Variants in SEPTIN9 observed in about 807,000 individuals in gnomAD.
SEPTIN9 encodes the protein septin 9.
SEPTIN9 carries 13 observed loss-of-function variants against 56.6 expected under a neutral mutation model. The ratio of observed to expected loss-of-function variants is 0.23; its 90% CI spans 0.15 to 0.37. The LOEUF (loss-of-function observed/expected upper bound fraction) is 0.37. Among genes scored for constraint, SEPTIN9 ranks in the 10% least tolerant of loss-of-function variants. The pLI is 1.00. For missense variants in SEPTIN9, 650 were observed against 823.1 expected (o/e 0.79, Z 2.57); for synonymous variants, 332 against 334.1 (o/e 0.99, Z 0.07).
At chr17:77,380,514 G>C (rs115446639) in intron 2 of SEPTIN9, among the ~76,000 whole-genome samples, 2,421 of 152,112 alleles carry the variant, frequency 0.016, 63 homozygotes, top group African/African-American at 0.055. Flanking sequence ...GAAAATCAAG[G>C]GGCCTGGCCT....
intron 3 of SEPTIN9, among the ~76,000 whole-genome samples, chr17:77,403,097 G>C (rs2035957464): frequency 6.6e-6 from 1 of 152,150 alleles, no homozygotes; most frequent in Admixed American, 6.6e-5. Context: ...ACAGGGTGGA[G>C]TTGAGACCCC....
At chr17:77,418,076 G>A (rs1048181710) in intron 3 of SEPTIN9, among the ~76,000 whole-genome samples, 2 of 152,196 alleles carry the variant, frequency 1.3e-5, no homozygotes, top group Non-Finnish European at 2.9e-5. Flanking sequence ...AGAACCCACC[G>A]ACTCACACGT....
chr17:77,296,884 A>C (rs996226617), intron 1 of SEPTIN9, among the ~76,000 whole-genome samples: 1 of 152,110 alleles, frequency 6.6e-6, no homozygotes, highest in African/African-American at 2.4e-5. Context: ...AGATGAATGG[A>C]TAGATAGCTA....
intron 3 of SEPTIN9, chr17:77,466,451 TCCGGCTGCTG>T: frequency 1.0e-6 from 1 of 985,514 alleles, no homozygotes; most frequent in Non-Finnish European, 1.2e-6. Context: ...GCTTCCAGGT[TCCGGCTGCTG>T]CCTGTGTTAG....
In SEPTIN9 at chr17:77,492,524, T is replaced by G. The variant is rs1437893410; in HGVS notation, c.1381-97T>G. 1 of 1,104,506 alleles carries G rather than the reference T, an allele frequency of 9.1e-7. No individual in the cohort carries two copies. The highest frequency in any genetic ancestry group is 1.4e-6 in the Non-Finnish European group (1 of 716,720). 68.4% of individuals were successfully genotyped at this position (1,104,506 alleles called of 1,614,324 possible). Reference sequence around the variant, plus strand: ...CAGAGCCTGCCCTTGAACCCGAGCCTGGGGCAGCACACAGTGTGGAGGTCA... The same window carrying G: ...CAGAGCCTGCCCTTGAACCCGAGCCGGGGGCAGCACACAGTGTGGAGGTCA... On this transcript the variant is annotated intron_variant, in intron 8 of 11. Transcript: ENST00000427177. The surrounding 1 kb of genome is among the most constrained non-coding windows in gnomAD (Gnocchi z 5.4).
rs1395119325 is a variant in SEPTIN9 at position 77,450,477 on chromosome 17, C to T, written c.722-31667C>T. On this transcript the variant is annotated intron_variant, in intron 3 of 11. Coordinates refer to ENST00000427177, the MANE Select transcript of SEPTIN9 (RefSeq NM_001113491.2). This position sits in a 1 kb window ranked among gnomAD's most constrained non-coding sequence, Gnocchi z 6.0. ...AGCAAGCCCTCGGAACGAGCCCACT[C>T]CCAGGCGCTCTCTCCTAGTGTGGGA... The T allele has an allele frequency of 2.1e-5, 21 of 985,340 alleles. No individual in the cohort carries two copies. The highest frequency in any genetic ancestry group is 2.5e-5 in the Non-Finnish European group (21 of 829,958). 61.0% of individuals were successfully genotyped at this position (985,340 alleles called of 1,614,324 possible).
At position 77,402,073 on chromosome 17, in the gene SEPTIN9, T is replaced by C. The variant is rs962476744; in HGVS notation, c.91T>C (p.Phe31Leu). 5 of 1,612,820 alleles carry C rather than the reference T, an allele frequency of 3.1e-6. No homozygotes were observed. The highest frequency in any genetic ancestry group is 4.2e-6 in the Non-Finnish European group (5 of 1,179,106). Residue 31 changes from phenylalanine to leucine, a missense_variant, in exon 3 of 12, where the codon TTT becomes CTT. This residue lies in a region of SEPTIN9 where 317 missense variants were observed against 329.1 expected (regional missense o/e 0.96). Transcript: ENST00000427177. The surrounding 1 kb of genome is among the most constrained non-coding windows in gnomAD (Gnocchi z 6.6). ...TTATTTTTCAGCCTTGAAAAGATCT[T>C]TTGAGGTCGAGGAGGTCGAGACACC... The part of the protein sequence containing the change: ...DSSGPALKRS[F>L]EVEEVETPNS...
chr17:77,416,316 C>G (rs1367938965), intron 3 of SEPTIN9, among the ~76,000 whole-genome samples: 2 of 152,164 alleles, frequency 1.3e-5, no homozygotes, highest in East Asian at 3.9e-4. Flanking sequence ...CTGGTGAGAA[C>G]GGCACCCGGT....
At chr17:77,357,640 G>GA (rs1365755993) in intron 2 of SEPTIN9, among the ~76,000 whole-genome samples, 1 of 151,948 alleles carries the variant, frequency 6.6e-6, no homozygotes, top group Non-Finnish European at 1.5e-5. Context: ...TCTGAGATGG[G>GA]ATCTTGCTAG....
intron 3 of SEPTIN9, among the ~76,000 whole-genome samples, chr17:77,404,056 T>A (rs2035986748): frequency 6.6e-6 from 1 of 152,220 alleles, no homozygotes; most frequent in Non-Finnish European, 1.5e-5. Context: ...TGTGTCTGGC[T>A]CATTTCACTC....
At chr17:77,358,273 C>A (rs1411848049) in intron 2 of SEPTIN9, among the ~76,000 whole-genome samples, 2 of 152,176 alleles carry the variant, frequency 1.3e-5, no homozygotes, top group Non-Finnish European at 2.9e-5. Context: ...GTTCCTTCTG[C>A]CTCATGTTTG....
rs376317254 is a variant in SEPTIN9, at chr17:77,288,159, G to C, written c.19+6605G>C. On this transcript the variant is annotated intron_variant, in intron 1 of 11. Coordinates refer to ENST00000427177, the MANE Select transcript of SEPTIN9 (RefSeq NM_001113491.2). ...CCTGGGGTTTCAGAGAAGGGGTCCA[G>C]GCAGGAGTGTCATCTTTTCTCAATG... is the stretch of plus-strand genomic sequence containing the variant. The C allele has an allele frequency of 3.8e-6, 4 of 1,061,066 alleles. No individual in the cohort carries two copies. In the East Asian group the frequency reaches 2.0e-4, roughly 54 times the overall value. The allele number at this position is 1,061,066 out of a possible 1,614,324, so 65.7% of individuals were successfully genotyped here. A position where few individuals can be genotyped will look rare whatever the true frequency, so the allele number is the denominator to read the frequency against.
chr17:77,419,355 T>TCAG (rs10672536), intron 3 of SEPTIN9, among the ~76,000 whole-genome samples: 54,982 of 149,938 alleles, frequency 0.37, 10,438 homozygotes, highest in African/African-American at 0.4. Context: ...AGGCCCGTGG[T>TCAG]CAGCAGCAGC....
chr17:77,381,755 A>G (rs372936282), intron 2 of SEPTIN9, among the ~76,000 whole-genome samples: 1 of 152,120 alleles, frequency 6.6e-6, no homozygotes, highest in Admixed American at 6.5e-5. Context: ...CCACTCGAGG[A>G]GCATTACTGC....
intron 3 of SEPTIN9, among the ~76,000 whole-genome samples, chr17:77,459,248 C>T (rs1039615141): frequency 3.9e-5 from 6 of 152,228 alleles, no homozygotes; most frequent in Non-Finnish European, 7.3e-5. Flanking sequence ...CTGGCCCTGT[C>T]CAGGGTTAGC....
In SEPTIN9 at chr17:77,319,116, A is replaced by G. The variant is rs1239734724; in HGVS notation, c.76+11919A>G. On this transcript the variant is annotated intron_variant, in intron 2 of 11. Coordinates refer to ENST00000427177, the MANE Select transcript of SEPTIN9 (RefSeq NM_001113491.2). The surrounding 1 kb of genome is among the most constrained non-coding windows in gnomAD (Gnocchi z 5.3). The stretch of plus-strand genomic sequence containing the variant: ...GTTCTCAGCCTTGGCACAAACACAC[A>G]TTCTCTTTAAACAGGCTTGGGCCAA... Among the ~76,000 whole-genome samples the G allele has an allele frequency of 1.3e-5, 2 of 152,190 alleles. No homozygotes were observed. Among genetic ancestry groups the G allele is most frequent in the Non-Finnish European group, 2.9e-5 (2 of 68,024 alleles).
chr17:77,339,047 A>G (rs1381954540), intron 2 of SEPTIN9, among the ~76,000 whole-genome samples: 1 of 152,216 alleles, frequency 6.6e-6, no homozygotes, highest in African/African-American at 2.4e-5. Flanking sequence ...TCCCATCTCC[A>G]GGCTCCACTT....
chr17:77,482,669 C>A, intron 4 of SEPTIN9: 1 of 606,664 alleles, frequency 1.6e-6, no homozygotes. Context: ...TGGCAGCTGT[C>A]CCCTCACTGT....
intron 3 of SEPTIN9, among the ~76,000 whole-genome samples, chr17:77,467,065 C>G (rs377114060): frequency 2.0e-5 from 3 of 152,180 alleles, no homozygotes; most frequent in Non-Finnish European, 2.9e-5. Context: ...TGCCGGTTCC[C>G]GAATCACTCT....
Sources: gnomAD v4.1 joint callset for allele counts (sites outside exome capture counted in the v4.1 genomes callset) on GRCh38, gnomAD v4.1.1 for gene constraint, gnomAD v4.1.1 regional missense constraint, Gnocchi (gnomAD v3.1) non-coding constraint, MANE v1.5 for transcripts, NCBI Gene and HGNC (gene_info 2026-07-23, HGNC 2026-07-21) for gene names.